The following RAB8A variants were observed in gnomAD, a reference collection of about 807,000 sequenced individuals.
RAB8A encodes the protein RAB8A, member RAS oncogene family.
A neutral mutation model predicts 29.2 loss-of-function variants in RAB8A; 5 were observed. The ratio of observed to expected loss-of-function variants is 0.17; its 90% CI spans 0.09 to 0.36. The LOEUF (loss-of-function observed/expected upper bound fraction) is 0.36, where lower values mean the gene tolerates loss of function less well. RAB8A is among the 10% of genes least tolerant of loss of function. RAB8A has a pLI of 1.00. For missense variants in RAB8A, 171 were observed against 272.2 expected (o/e 0.63, Z 2.62); for synonymous variants, 108 against 99.9 (o/e 1.08, Z -0.49).
rs202121639 is a variant in RAB8A at position 16,133,453 on chromosome 19, C to CT, written c.*1162dup. The CT allele has an allele frequency of 2.4e-3, 352 of 144,904 alleles. 1 individual carries two copies. The highest frequency in any genetic ancestry group is 6.0e-3 in the African/African-American group (238 of 39,692). 9.0% of individuals were successfully genotyped at this position (144,904 alleles called of 1,614,324 possible). ...TCACCAGCCTTTTCTTTTTTTCTTT[C>CT]TTTTTTTTTTTTTCCTCCTTAAGCT... On this transcript the variant is annotated 3_prime_UTR_variant, in exon 8 of 8. Coordinates refer to ENST00000300935, the MANE Select transcript of RAB8A (RefSeq NM_005370.5).
rs2090926830 is a variant in RAB8A, at chr19:16,132,009, T to TGATG, written c.532-193_532-190dup. ...GGTAATGGATGGATGACCTGGCAGA[T>TGATG]GATGGATGGATGGTTGGATGGCTCG... is the stretch of plus-strand genomic sequence containing the variant. On this transcript the variant is annotated intron_variant, in intron 7 of 7. Transcript: ENST00000300935. The surrounding 1 kb of genome is among the most constrained non-coding windows in gnomAD (Gnocchi z 5.6). Among the ~76,000 whole-genome samples, 1 of 149,742 alleles carries TGATG rather than the reference T, an allele frequency of 6.7e-6. No individual in the cohort carries two copies. The highest frequency in any genetic ancestry group is 2.1e-4 in the South Asian group (1 of 4,698).
In RAB8A at chr19:16,127,787, A is replaced by G; in HGVS notation, c.415-239A>G. The G allele has an allele frequency of 1.6e-6, 1 of 624,044 alleles. No homozygotes were observed. Among genetic ancestry groups the G allele is most frequent in the Non-Finnish European group, 2.9e-6 (1 of 348,422 alleles). The allele number at this position is 624,044 out of a possible 1,614,324, so 38.7% of individuals were successfully genotyped here. ...GGGAACAGAGCCATAGTTTGATCCC[A>G]GCAGGTCCCCGCCACCCTCCCATCT... On this transcript the variant is annotated intron_variant, in intron 5 of 7. Transcript: ENST00000300935. This position sits in a 1 kb window ranked among gnomAD's most constrained non-coding sequence, Gnocchi z 4.8.
At chr19:16,131,561 G>A (rs2090924346) in intron 7 of RAB8A, among the ~76,000 whole-genome samples, 1 of 151,800 alleles carries the variant, frequency 6.6e-6, no homozygotes, top group East Asian at 1.9e-4. Flanking sequence ...TTAGTTGGAA[G>A]AGGGTGGATG....
chr19:16,124,337 G>A (rs1164568627), intron 3 of RAB8A: 1 of 152,256 alleles, frequency 6.6e-6, no homozygotes, highest in African/African-American at 2.4e-5. Flanking sequence ...ACCCACATCT[G>A]TCTCACCATT....
intron 1 of RAB8A, among the ~76,000 whole-genome samples, chr19:16,113,442 C>A (rs1238947097): frequency 6.6e-6 from 1 of 152,010 alleles, no homozygotes; most frequent in African/African-American, 2.4e-5. Context: ...AGCTCTTTTG[C>A]CCAGGCTGGA....
At chr19:16,116,891 C>CAAAAAA (rs1160942876) in intron 1 of RAB8A, among the ~76,000 whole-genome samples, 18 of 92,646 alleles carry the variant, frequency 1.9e-4, no homozygotes, top group African/African-American at 5.9e-4. Context: ...AACTCCATCT[C>CAAAAAA]AAAAAAAAAA....
chr19:16,117,537 A>G (rs1167530803), intron 1 of RAB8A, among the ~76,000 whole-genome samples: 3 of 151,780 alleles, frequency 2.0e-5, no homozygotes, highest in Middle Eastern at 3.2e-3. Flanking sequence ...GCTGTGTAAC[A>G]TGGTTAGGGT....
intron 4 of RAB8A, chr19:16,126,267 T>G (rs1014275444): frequency 6.3e-6 from 1 of 157,892 alleles, no homozygotes. Context: ...TGTGAGTCAT[T>G]GCACTGGGCT....
At chr19:16,120,313 A>ATTTTTT (rs546591257) in intron 2 of RAB8A, among the ~76,000 whole-genome samples, 1 of 130,462 alleles carries the variant, frequency 7.7e-6, no homozygotes, top group Non-Finnish European at 1.6e-5. Context: ...GTCACCTTTA[A>ATTTTTT]TTTTTTTTTT....
rs1395304365 is a variant in RAB8A at position 16,125,435 on chromosome 19, C to G, written c.247-35C>G. 1.9e-6 allele frequency: 3 copies of G among 1,585,984 alleles called. No homozygotes were observed. In the Admixed American group the frequency reaches 5.0e-5, roughly 27 times the overall value. On this transcript the variant is annotated intron_variant, in intron 3 of 7. Coordinates refer to ENST00000300935, the MANE Select transcript of RAB8A (RefSeq NM_005370.5). This position sits in a 1 kb window ranked among gnomAD's most constrained non-coding sequence, Gnocchi z 5.0. ...GAGGCCTCCCTTCCAGAGCCTGCAGCCGATCAGGCACCTGTGTCTTCTCTC... is the reference window on the plus strand; with the variant it reads ...GAGGCCTCCCTTCCAGAGCCTGCAGGCGATCAGGCACCTGTGTCTTCTCTC...
chr19:16,118,483 C>T (rs2090857088), intron 2 of RAB8A, among the ~76,000 whole-genome samples, 197 bp downstream of exon 2: 1 of 152,200 alleles, frequency 6.6e-6, no homozygotes, highest in Non-Finnish European at 1.5e-5. Context: ...GGCTGCAGGG[C>T]ACCAGGGCCT....
intron 1 of RAB8A, 37 bp downstream of exon 1, chr19:16,112,062 C>T: frequency 6.2e-7 from 1 of 1,609,346 alleles, no homozygotes. Flanking sequence ...GCGCCGGAGG[C>T]CCGGGCTGGG....
intron 7 of RAB8A, among the ~76,000 whole-genome samples, chr19:16,130,415 C>T (rs993730120): frequency 4.6e-5 from 7 of 152,250 alleles, no homozygotes; most frequent in Non-Finnish European, 7.4e-5. Context: ...TACAAAATGC[C>T]GTTCAAGTTT....
chr19:16,116,731 A>C (rs1275148699), intron 1 of RAB8A, among the ~76,000 whole-genome samples: 1 of 152,068 alleles, frequency 6.6e-6, no homozygotes, highest in African/African-American at 2.4e-5. Flanking sequence ...GCTACTTGGG[A>C]GGCTGTGGCA....
rs2090931169 is a variant in RAB8A, at chr19:16,132,568, CAG to C, written c.*275_*276del. On this transcript the variant is annotated 3_prime_UTR_variant, in exon 8 of 8. Coordinates refer to ENST00000300935, the MANE Select transcript of RAB8A (RefSeq NM_005370.5). The surrounding 1 kb of genome is among the most constrained non-coding windows in gnomAD (Gnocchi z 5.6). ...CGGGCCCACCCACACGTTGTATATT[CAG>C]AGAGAGAGAGGGAGTCAAGGTGTGA... The C allele has an allele frequency of 1.5e-3, 699 of 464,774 alleles. No homozygotes were observed. The highest frequency in any genetic ancestry group is 2.3e-3 in the East Asian group (56 of 24,268). 28.8% of individuals were successfully genotyped at this position (464,774 alleles called of 1,614,324 possible). A position where few individuals can be genotyped will look rare whatever the true frequency, so the allele number is the denominator to read the frequency against.
At chr19:16,120,064 C>T (rs536346989) in intron 2 of RAB8A, among the ~76,000 whole-genome samples, 3 of 152,130 alleles carry the variant, frequency 2.0e-5, no homozygotes, top group Admixed American at 6.5e-5. Flanking sequence ...CCACCCGCCT[C>T]GGCCTCCCAA....
In RAB8A at chr19:16,131,656, A is replaced by ATGGT. The variant is rs371407098; in HGVS notation, c.532-540_532-537dup. ...GGATGAGGTGGTTAGAAGGGGATGG[A>ATGGT]TGGTTGGTTGGTTGGTTGGAAGGGG... On this transcript the variant is annotated intron_variant, in intron 7 of 7. Coordinates refer to ENST00000300935, the MANE Select transcript of RAB8A (RefSeq NM_005370.5). Among the ~76,000 whole-genome samples the ATGGT allele has an allele frequency of 2.4e-3, 354 of 144,898 alleles. 1 individual carries two copies. The highest frequency in any genetic ancestry group is 8.8e-3 in the African/African-American group (341 of 38,792).
At chr19:16,128,260 G>A (rs1312802051) in intron 6 of RAB8A, among the ~76,000 whole-genome samples, 169 bp downstream of exon 6, 1 of 152,210 alleles carries the variant, frequency 6.6e-6, no homozygotes, top group Non-Finnish European at 1.5e-5. Flanking sequence ...CACGTGCCAA[G>A]CACAGGCAGC....
Position 16,127,984 on chromosome 19 carries a change from C to T in RAB8A, c.415-42C>T, listed in dbSNP as rs372120517. The T allele has an allele frequency of 3.7e-5, 60 of 1,603,898 alleles. No individual in the cohort carries two copies. In the East Asian group the frequency reaches 5.4e-4, roughly 14 times the overall value. On this transcript the variant is annotated intron_variant, in intron 5 of 7. Transcript: ENST00000300935. This position sits in a 1 kb window ranked among gnomAD's most constrained non-coding sequence, Gnocchi z 4.8. Reference sequence around the variant, plus strand: ...TGTTTTAGGCAAGCTCAGATGCGCCCGGCGGCTGGTGTGCTCATGCGTGTG... The same window carrying T: ...TGTTTTAGGCAAGCTCAGATGCGCCTGGCGGCTGGTGTGCTCATGCGTGTG...
Sources: allele counts gnomAD v4.1 joint callset (sites outside exome capture counted in the v4.1 genomes callset), GRCh38; gene constraint gnomAD v4.1.1; non-coding constraint Gnocchi (gnomAD v3.1); transcripts MANE v1.5; gene names NCBI Gene and HGNC (gene_info 2026-07-23, HGNC 2026-07-21).